Variants in DYNC2LI1 observed in about 807,000 individuals in gnomAD.
DYNC2LI1 encodes the protein dynein cytoplasmic 2 light intermediate chain 1.
Under a neutral mutation model 51.9 loss-of-function variants are expected in DYNC2LI1, and 45 were observed. The observed-to-expected ratio is 0.87, with a 90% CI of 0.68 to 1.11. The LOEUF is 1.11. Among genes scored for constraint, DYNC2LI1 ranks in the 50% most tolerant of loss-of-function variants. The probability of loss-of-function intolerance (pLI) is 0.00; values close to 1 mark genes in which losing one functional copy is unlikely to be tolerated. For synonymous variants in DYNC2LI1, 130 were observed against 137.8 expected (o/e 0.94, Z 0.40); for missense variants, 490 against 417.4 (o/e 1.17, Z -1.51).
chr2:43,809,605 G>A, intron 12 of DYNC2LI1, 100 bp from the exon 13 acceptor site: 1 of 750,602 alleles, frequency 1.3e-6, no homozygotes, highest in Non-Finnish European at 2.3e-6. Context: ...TGCTACTAAG[G>A]ATTCATTGAT....
the DYNC2LI1 span, among the ~76,000 whole-genome samples, chr2:43,815,424 A>C: frequency 6.6e-6 from 1 of 152,228 alleles, no homozygotes; most frequent in Non-Finnish European, 1.5e-5. Flanking sequence ...AAAAATATAC[A>C]GTAGTGAACT....
At chr2:43,788,646 G>C (rs1204620021) in intron 4 of DYNC2LI1, among the ~76,000 whole-genome samples, 1 of 152,086 alleles carries the variant, frequency 6.6e-6, no homozygotes, top group Non-Finnish European at 1.5e-5. Context: ...CGGAGACAAG[G>C]TCTCACTTTG....
chr2:43,801,445 A>G (rs1187944080), intron 9 of DYNC2LI1, 194 bp from the exon 10 acceptor site: 1 of 424,212 alleles, frequency 2.4e-6, no homozygotes, highest in African/African-American at 2.1e-5. Context: ...TTTTTTTCCT[A>G]TAAAATGTTT....
At position 43,804,681 on chromosome 2, in the gene DYNC2LI1, A is replaced by G. The variant is rs748674743; in HGVS notation, c.842A>G (p.His281Arg). The change falls in exon 11 of 13, where the codon CAT (histidine) becomes CGT (arginine). Residue 281 changes from histidine to arginine, a missense_variant. Coordinates refer to ENST00000260605, the MANE Select transcript of DYNC2LI1 (RefSeq NM_016008.4). The part of the protein sequence containing the change: ...PVPENDIGKL[H>R]AHSPMELWKK... ...CCTGAAAATGACATTGGAAAGCTTCATGCCCACTCACCTATGGAGTTGTGG... is the reference window on the plus strand; with the variant it reads ...CCTGAAAATGACATTGGAAAGCTTCGTGCCCACTCACCTATGGAGTTGTGG... 2.5e-6 allele frequency: 4 copies of G among 1,609,624 alleles called. No individual in the cohort carries two copies. Among genetic ancestry groups the G allele is most frequent in the East Asian group, 2.2e-5 (1 of 44,780 alleles).
At chr2:43,819,997 T>C in the DYNC2LI1 span, 3,060 of 1,614,184 alleles carry the variant, frequency 1.9e-3, 10 homozygotes, top group Non-Finnish European at 2.1e-3. Flanking sequence ...TTTTGGACGA[T>C]ACCAAGTAGC....
downstream of DYNC2LI1, chr2:43,813,019 T>C (rs1666561810): frequency 4.1e-6 from 3 of 726,458 alleles, no homozygotes; most frequent in Admixed American, 2.0e-5. Flanking sequence ...TGAGATGTCC[T>C]GTCAAGAAAG....
At chr2:43,825,464 A>G in the DYNC2LI1 span, among the ~76,000 whole-genome samples, 2 of 152,218 alleles carry the variant, frequency 1.3e-5, no homozygotes, top group African/African-American at 4.8e-5. Context: ...GGGCGGAGAA[A>G]GTGAGTTTTT....
At chr2:43,789,834 G>C in intron 5 of DYNC2LI1, 113 bp downstream of exon 5, 1 of 793,342 alleles carries the variant, frequency 1.3e-6, no homozygotes, top group Non-Finnish European at 2.0e-6. Context: ...GTTGCTGAAG[G>C]CTTATGCCCA....
intron 8 of DYNC2LI1, among the ~76,000 whole-genome samples, chr2:43,797,216 G>A (rs1280660572): frequency 6.6e-6 from 1 of 152,192 alleles, no homozygotes; most frequent in Admixed American, 6.5e-5. Context: ...CATGAAATCT[G>A]AAGTCATGCT....
chr2:43,827,857 A>C, the DYNC2LI1 span: 1 of 1,456,716 alleles, frequency 6.9e-7, no homozygotes, highest in Non-Finnish European at 9.3e-7. Context: ...AGTTTGAAAA[A>C]CCTGTGATTT....
chr2:43,787,846 G>A (rs1378751993), intron 4 of DYNC2LI1, among the ~76,000 whole-genome samples: 1 of 152,146 alleles, frequency 6.6e-6, no homozygotes, highest in Admixed American at 6.5e-5. Flanking sequence ...AGTTAAGTGT[G>A]TAGAAGGACA....
downstream of DYNC2LI1, chr2:43,810,030 C>CCTG: frequency 1.1e-6 from 1 of 902,018 alleles, no homozygotes; most frequent in South Asian, 3.8e-5. Context: ...GTGGTATATA[C>CCTG]TCAATTCAGC....
At chr2:43,824,134 C>A in the DYNC2LI1 span, 3 of 1,614,150 alleles carry the variant, frequency 1.9e-6, no homozygotes, top group Admixed American at 3.3e-5. Flanking sequence ...AACAAACAAC[C>A]CTGTTTTAAT....
the DYNC2LI1 span, among the ~76,000 whole-genome samples, chr2:43,827,678 C>G: frequency 6.6e-6 from 1 of 152,130 alleles, no homozygotes; most frequent in Non-Finnish European, 1.5e-5. Context: ...GTGGTATTGC[C>G]CTGGTGAGAA....
Position 43,800,928 on chromosome 2 carries a change from G to A in DYNC2LI1, c.731+11G>A, listed in dbSNP as rs1287543277. On this transcript the variant is annotated intron_variant, in intron 9 of 12. Transcript: ENST00000260605. ...TGGCATTGACAAAAGGTACTGCTAA[G>A]ATATTTTTTATATCATTTATTGAGT... 1 of 1,556,468 alleles carries A rather than the reference G, an allele frequency of 6.4e-7. No individual in the cohort carries two copies. Among genetic ancestry groups the A allele is most frequent in the Non-Finnish European group, 8.8e-7 (1 of 1,136,294 alleles).
intron 1 of DYNC2LI1, 22 bp downstream of exon 1, chr2:43,774,168 C>T: frequency 1.9e-6 from 3 of 1,613,478 alleles, no homozygotes; most frequent in Non-Finnish European, 2.5e-6. Context: ...ACCCGGCTTG[C>T]GTGGGAAAGG....
chr2:43,819,512 C>A, the DYNC2LI1 span, among the ~76,000 whole-genome samples: 2 of 147,302 alleles, frequency 1.4e-5, no homozygotes, highest in Admixed American at 1.4e-4. Flanking sequence ...AGTCTTAATT[C>A]CTAAGAATAA....
the DYNC2LI1 span, among the ~76,000 whole-genome samples, chr2:43,820,801 G>A: frequency 1.3e-4 from 19 of 151,930 alleles, no homozygotes; most frequent in Admixed American, 2.6e-4. Context: ...TTACAGGTGC[G>A]CACCACCACA....
At position 43,777,460 on chromosome 2, in the gene DYNC2LI1, CATCAT is replaced by C. The variant is rs1360309562; in HGVS notation, c.126+565_126+569del. 3.3e-5 allele frequency among the ~76,000 whole-genome samples: 5 copies of C among 152,304 alleles called. No individual in the cohort carries two copies. The East Asian group carries it at 9.6e-4, about 29-fold the overall frequency. On this transcript the variant is annotated intron_variant, in intron 2 of 12. Transcript: ENST00000260605. The stretch of plus-strand genomic sequence containing the variant: ...TGGCCACACAGTGTAGGAACATATG[CATCAT>C]ATCTTCATGCAACTTTGCCTGGCCC...
Sources: allele counts gnomAD v4.1 joint callset (sites outside exome capture counted in the v4.1 genomes callset), GRCh38; gene constraint gnomAD v4.1.1; transcripts MANE v1.5; gene names NCBI Gene and HGNC (gene_info 2026-07-23, HGNC 2026-07-21).